Variants in CTNNA2 observed in about 807,000 individuals in gnomAD.
CTNNA2 encodes the protein catenin alpha 2.
CTNNA2 carries 42 observed loss-of-function variants against 101.0 expected under a neutral mutation model. The observed-to-expected ratio is 0.42, with a 90% CI of 0.32 to 0.54. CTNNA2 has a LOEUF of 0.54. CTNNA2 is among the 20% of genes least tolerant of loss of function. The pLI is 0.14. For synonymous variants in CTNNA2, 450 were observed against 456.4 expected (o/e 0.99, Z 0.18); for missense variants, 871 against 1,223.1 (o/e 0.71, Z 4.29).
chr2:79,519,573 A>G (rs1671995124), intron 1 of CTNNA2, among the ~76,000 whole-genome samples: 1 of 152,178 alleles, frequency 6.6e-6, no homozygotes, highest in South Asian at 2.1e-4. Flanking sequence ...AAAATTCTAT[A>G]ATTCTACATG....
At chr2:80,459,721 C>A (rs554481816) in intron 9 of CTNNA2, among the ~76,000 whole-genome samples, 1 of 152,304 alleles carries the variant, frequency 6.6e-6, no homozygotes, top group African/African-American at 2.4e-5. Context: ...CTATTCTGTA[C>A]TTCTGACAAT....
intron 7 of CTNNA2, among the ~76,000 whole-genome samples, chr2:80,313,851 A>G (rs1677843781): frequency 6.6e-6 from 1 of 152,252 alleles, no homozygotes; most frequent in Non-Finnish European, 1.5e-5. Context: ...CAAATGAGAT[A>G]CTATGTGGGC....
chr2:79,709,988 G>T (rs1272629652), intron 2 of CTNNA2, among the ~76,000 whole-genome samples: 1 of 152,124 alleles, frequency 6.6e-6, no homozygotes, highest in Non-Finnish European at 1.5e-5. Context: ...GAATGGCACT[G>T]ATTGGCTGCT....
chr2:79,996,492 C>A (rs944664717), intron 7 of CTNNA2, among the ~76,000 whole-genome samples: 5 of 152,140 alleles, frequency 3.3e-5, no homozygotes, highest in African/African-American at 1.2e-4. Context: ...ATTGACAGAT[C>A]CTCAGCTGTC....
At chr2:80,609,190 T>C (rs1187241595) in intron 17 of CTNNA2, among the ~76,000 whole-genome samples, 2 of 151,804 alleles carry the variant, frequency 1.3e-5, no homozygotes, top group East Asian at 3.9e-4. Context: ...GCACGTAATA[T>C]TATCAGCGTG....
At chr2:79,523,141 C>G in intron 1 of CTNNA2, 1 of 342,290 alleles carries the variant, frequency 2.9e-6, no homozygotes, top group South Asian at 2.4e-5. Flanking sequence ...TCTTCCTCTA[C>G]ATTAGTTTTT....
chr2:80,059,319 T>C (rs1402105469), intron 7 of CTNNA2, among the ~76,000 whole-genome samples: 1 of 152,214 alleles, frequency 6.6e-6, no homozygotes, highest in Non-Finnish European at 1.5e-5. Context: ...TGAAAAGAGA[T>C]GCTTACAACA....
chr2:80,220,782 T>G (rs528986947), intron 7 of CTNNA2, among the ~76,000 whole-genome samples: 22 of 152,328 alleles, frequency 1.4e-4, no homozygotes, highest in African/African-American at 4.8e-4. Flanking sequence ...TTTCTGCTAT[T>G]TTAGAGTTAT....
chr2:80,080,948 T>TAAAAAAA (rs79785271), intron 7 of CTNNA2, among the ~76,000 whole-genome samples: 89 of 87,546 alleles, frequency 1.0e-3, no homozygotes, highest in African/African-American at 3.1e-3. Context: ...TTCTCCCACT[T>TAAAAAAA]AAAAAAAAAA....
chr2:79,729,305 TG>T (rs1207509027), intron 2 of CTNNA2, among the ~76,000 whole-genome samples: 1 of 152,172 alleles, frequency 6.6e-6, no homozygotes, highest in Non-Finnish European at 1.5e-5. Context: ...TTAAATAAAC[TG>T]TCTTACTTAA....
intron 7 of CTNNA2, among the ~76,000 whole-genome samples, chr2:80,106,890 T>A (rs1700922393): frequency 6.6e-6 from 1 of 152,144 alleles, no homozygotes. Context: ...ACAACGCTTG[T>A]CCTTTGGGGG....
rs1028278669 is a variant in CTNNA2 at position 80,399,640 on chromosome 2, A to G, written c.1137+6349A>G. On this transcript the variant is annotated intron_variant, in intron 8 of 18. Transcript: ENST00000402739. Reference sequence around the variant, plus strand: ...TTCTCTAGGCCCTAGAAATCAAGGAAAAGTGGGAAGGGAAGGAGTAAATAG... The same window carrying G: ...TTCTCTAGGCCCTAGAAATCAAGGAGAAGTGGGAAGGGAAGGAGTAAATAG... 7.2e-5 allele frequency among the ~76,000 whole-genome samples: 11 copies of G among 152,342 alleles called. 1 individual carries two copies. Among genetic ancestry groups the G allele is most frequent in the South Asian group, 4.1e-4 (2 of 4,828 alleles).
chr2:80,354,346 G>A (rs1305125197), intron 7 of CTNNA2, among the ~76,000 whole-genome samples: 1 of 152,060 alleles, frequency 6.6e-6, no homozygotes, highest in African/African-American at 2.4e-5. Flanking sequence ...ATATGATAAA[G>A]GTGCTTGATT....
chr2:80,646,163 A>G (rs1006375834), intron 18 of CTNNA2, among the ~76,000 whole-genome samples: 1 of 152,102 alleles, frequency 6.6e-6, no homozygotes, highest in Non-Finnish European at 1.5e-5. Flanking sequence ...TGGAAGAACC[A>G]TAAGATCTAC....
intron 9 of CTNNA2, among the ~76,000 whole-genome samples, chr2:80,475,498 T>C (rs1685655926): frequency 6.6e-6 from 1 of 152,148 alleles, no homozygotes; most frequent in African/African-American, 2.4e-5. Context: ...AGCTCTCAAC[T>C]ACAAATATGA....
intron 9 of CTNNA2, among the ~76,000 whole-genome samples, chr2:80,489,206 G>A (rs184683996): frequency 8.5e-5 from 13 of 152,188 alleles, no homozygotes; most frequent in Admixed American, 2.0e-4. Context: ...TACATTTCCC[G>A]TAGAAATCTT....
chr2:80,093,174 T>G (rs1319674579), intron 7 of CTNNA2, among the ~76,000 whole-genome samples: 4 of 151,858 alleles, frequency 2.6e-5, no homozygotes, highest in Admixed American at 1.3e-4. Flanking sequence ...CCCACAACAG[T>G]CCCTGGTGTG....
intron 9 of CTNNA2, among the ~76,000 whole-genome samples, chr2:80,471,280 G>A (rs1048944510): frequency 6.6e-6 from 1 of 152,150 alleles, no homozygotes; most frequent in African/African-American, 2.4e-5. Flanking sequence ...AGAAAGCCAG[G>A]GTGCTTCCAC....
chr2:80,412,851 C>T (rs1449599464), intron 8 of CTNNA2, among the ~76,000 whole-genome samples: 1 of 152,090 alleles, frequency 6.6e-6, no homozygotes, highest in African/African-American at 2.4e-5. Context: ...GCACATGCTT[C>T]TCATGGGGAT....
Sources: gnomAD v4.1 joint callset for allele counts (sites outside exome capture counted in the v4.1 genomes callset) on GRCh38, gnomAD v4.1.1 for gene constraint, MANE v1.5 for transcripts, NCBI Gene and HGNC (gene_info 2026-07-23, HGNC 2026-07-21) for gene names.